The following DGKG variants were observed in gnomAD, a reference collection of about 807,000 sequenced individuals.
The protein encoded by DGKG is DAG kinase gamma.
DGKG carries 78 observed loss-of-function variants against 105.3 expected under a neutral mutation model. The ratio of observed to expected loss-of-function variants is 0.74; its 90% CI spans 0.62 to 0.89. DGKG has a LOEUF of 0.89. Ranked by LOEUF, DGKG falls within the 40% of genes least tolerant of loss-of-function variation. DGKG has a pLI of 0.00. For synonymous variants in DGKG, 346 were observed against 367.1 expected (o/e 0.94, Z 0.66); for missense variants, 958 against 1,020.1 (o/e 0.94, Z 0.83).
intron 7 of DGKG, among the ~76,000 whole-genome samples, chr3:186,282,965 G>C (rs1287473128): frequency 1.3e-5 from 2 of 151,422 alleles, no homozygotes; most frequent in East Asian, 3.9e-4. Context: ...GCTGGAGTAA[G>C]TGGCGTGATC....
At chr3:186,309,288 C>A (rs1724403908) in intron 2 of DGKG, among the ~76,000 whole-genome samples, 1 of 152,072 alleles carries the variant, frequency 6.6e-6, no homozygotes, top group South Asian at 2.1e-4. Flanking sequence ...ACCAAGGGAG[C>A]AACGGTGCAG....
At chr3:186,293,514 C>G (rs1312911102) in intron 5 of DGKG, among the ~76,000 whole-genome samples, 1 of 152,198 alleles carries the variant, frequency 6.6e-6, no homozygotes, top group Non-Finnish European at 1.5e-5. Flanking sequence ...CCCAGTTAGT[C>G]CTGGGCCTTC....
At chr3:186,188,504 A>C (rs1578640363) in intron 21 of DGKG, 125 bp from the exon 22 acceptor site, 3 of 919,742 alleles carry the variant, frequency 3.3e-6, no homozygotes, top group Admixed American at 2.6e-5. Context: ...GTCCTCAGCC[A>C]CCACCCTGCC....
At chr3:186,153,916 G>T (rs1233025112) in intron 24 of DGKG, among the ~76,000 whole-genome samples, 1 of 152,120 alleles carries the variant, frequency 6.6e-6, no homozygotes, top group Non-Finnish European at 1.5e-5. Context: ...ACCAGCCTGG[G>T]GAACATGGTG....
At chr3:186,192,695 C>A (rs1462778349) in intron 21 of DGKG, among the ~76,000 whole-genome samples, 2 of 152,142 alleles carry the variant, frequency 1.3e-5, no homozygotes, top group African/African-American at 4.8e-5. Flanking sequence ...GTCAGTGAGG[C>A]AAATCGGGAT....
intron 21 of DGKG, among the ~76,000 whole-genome samples, chr3:186,190,193 C>T (rs1249544520): frequency 2.0e-5 from 3 of 152,098 alleles, no homozygotes; most frequent in Admixed American, 2.0e-4. Context: ...TTTTATTTCT[C>T]CTCCCTCTCA....
Position 186,147,365 on chromosome 3 carries a change from G to A in DGKG, c.*2725C>T, listed in dbSNP as rs969663677. 3.3e-5 allele frequency: 32 copies of A among 978,572 alleles called. No homozygotes were observed. The highest frequency in any genetic ancestry group is 3.6e-5 in the Non-Finnish European group (30 of 823,458). 60.6% of individuals were successfully genotyped at this position (978,572 alleles called of 1,614,324 possible). On this transcript the variant is annotated 3_prime_UTR_variant, in exon 25 of 25. Transcript: ENST00000265022. Reference sequence around the variant, plus strand: ...AAGTCACTAAACCTCATTAAGCCTTGTTCTCCTCATTGAGATCGAGATAAT... The same window carrying A: ...AAGTCACTAAACCTCATTAAGCCTTATTCTCCTCATTGAGATCGAGATAAT...
At chr3:186,245,025 A>AG (rs144129358) in intron 19 of DGKG, among the ~76,000 whole-genome samples, 6,750 of 152,128 alleles carry the variant, frequency 0.044, 499 homozygotes, top group African/African-American at 0.16. Flanking sequence ...AAAAAAGTGG[A>AG]GGGGGGCGGG....
intron 20 of DGKG, among the ~76,000 whole-genome samples, chr3:186,223,777 T>C (rs1719716980): frequency 6.6e-6 from 1 of 152,244 alleles, no homozygotes; most frequent in Non-Finnish European, 1.5e-5. Context: ...CTTATTCTTG[T>C]GTATACATCC....
chr3:186,342,627 C>G lies in DGKG; in HGVS notation c.-249+19319G>C, dbSNP rs551021152. 1.8e-4 allele frequency among the ~76,000 whole-genome samples: 27 copies of G among 151,752 alleles called. 1 individual carries two copies. The highest frequency in any genetic ancestry group is 1.6e-3 in the Admixed American group (25 of 15,234). Reference sequence around the variant, plus strand: ...TCCCTCATTCTGACCAACAGAAAGACCCTGCTTGGTGAAGCAAGCAGAAGA... The same window carrying G: ...TCCCTCATTCTGACCAACAGAAAGAGCCTGCTTGGTGAAGCAAGCAGAAGA... On this transcript the variant is annotated intron_variant, in intron 1 of 24. Coordinates refer to ENST00000265022, the MANE Select transcript of DGKG (RefSeq NM_001346.3).
In DGKG at chr3:186,210,015, C is replaced by A. The variant is rs1369380725; in HGVS notation, c.1917+1780G>T. ...CCCTCCAGACCAGTGAACAACCCCACCCCCTCCAGAGGCCACCAGTGTCTT... is the reference window on the plus strand; with the variant it reads ...CCCTCCAGACCAGTGAACAACCCCAACCCCTCCAGAGGCCACCAGTGTCTT... On this transcript the variant is annotated intron_variant, in intron 21 of 24. Transcript: ENST00000265022. The surrounding 1 kb of genome is among the most constrained non-coding windows in gnomAD (Gnocchi z 5.2). Among the ~76,000 whole-genome samples, 1 of 152,206 alleles carries A rather than the reference C, an allele frequency of 6.6e-6. No homozygotes were observed. The highest frequency in any genetic ancestry group is 2.4e-5 in the African/African-American group (1 of 41,446).
Position 186,268,961 on chromosome 3 carries a change from A to G in DGKG, c.1000-44T>C, listed in dbSNP as rs148761260. 118 of 1,413,056 alleles carry G rather than the reference A, an allele frequency of 8.4e-5. No homozygotes were observed. In the African/African-American group the frequency reaches 1.3e-3, roughly 15 times the overall value. The allele number at this position is 1,413,056 out of a possible 1,614,324, so 87.5% of individuals were successfully genotyped here. On this transcript the variant is annotated intron_variant, in intron 11 of 24. Coordinates refer to ENST00000265022, the MANE Select transcript of DGKG (RefSeq NM_001346.3). ...CGATGCCAGGGAAAATGGCAGAACCATGTCCCCGGGGCCCTGGGCTGGAGG... is the reference window on the plus strand; with the variant it reads ...CGATGCCAGGGAAAATGGCAGAACCGTGTCCCCGGGGCCCTGGGCTGGAGG...
At chr3:186,166,501 C>T (rs555311252) in intron 22 of DGKG, among the ~76,000 whole-genome samples, 2 of 152,228 alleles carry the variant, frequency 1.3e-5, no homozygotes, top group Non-Finnish European at 2.9e-5. Context: ...ACCTAATAAA[C>T]AATGAATGTC....
chr3:186,286,293 G>C (rs1723066133), intron 6 of DGKG, among the ~76,000 whole-genome samples: 1 of 152,194 alleles, frequency 6.6e-6, no homozygotes, highest in Non-Finnish European at 1.5e-5. Context: ...GCAGATGGTT[G>C]AATGACATAG....
At chr3:186,238,688 T>C (rs909078870) in intron 20 of DGKG, among the ~76,000 whole-genome samples, 1 of 152,170 alleles carries the variant, frequency 6.6e-6, no homozygotes, top group Non-Finnish European at 1.5e-5. Context: ...AACTAGGAGG[T>C]AGACAGGGCC....
rs1313614740 is a variant in DGKG, at chr3:186,147,996, C to T, written c.*2094G>A. 1 of 985,434 alleles carries T rather than the reference C, an allele frequency of 1.0e-6. No homozygotes were observed. The highest frequency in any genetic ancestry group is 1.2e-6 in the Non-Finnish European group (1 of 829,948). The allele number at this position is 985,434 out of a possible 1,614,324, so 61.0% of individuals were successfully genotyped here. The stretch of plus-strand genomic sequence containing the variant: ...TCCAAGATCTTGCTCCTAGGTGGTC[C>T]TTCACAGTTAAGTGCCATTTGTACA... On this transcript the variant is annotated 3_prime_UTR_variant, in exon 25 of 25. Coordinates refer to ENST00000265022, the MANE Select transcript of DGKG (RefSeq NM_001346.3).
rs567868100 is a variant in DGKG, at chr3:186,289,007, T to C, written c.374-127A>G. ...GTAGAAGTGTCTTCAAAAGCTTTGG[T>C]TACATAGATGTGACCAAATTAGTGG... On this transcript the variant is annotated intron_variant, in intron 5 of 24. Coordinates refer to ENST00000265022, the MANE Select transcript of DGKG (RefSeq NM_001346.3). 9.0e-5 allele frequency: 86 copies of C among 960,806 alleles called. No homozygotes were observed. In the East Asian group the frequency reaches 2.2e-3, roughly 25 times the overall value. The allele number at this position is 960,806 out of a possible 1,614,324, so 59.5% of individuals were successfully genotyped here.
intron 20 of DGKG, 112 bp from the exon 21 acceptor site, chr3:186,211,997 T>C (rs1177208263): frequency 2.5e-6 from 2 of 788,402 alleles, no homozygotes; most frequent in African/African-American, 3.4e-5. Context: ...TCCCCAATCT[T>C]ACATTTTCAG....
chr3:186,253,241 T>G, intron 17 of DGKG, 59 bp from the exon 18 acceptor site: 1 of 1,412,582 alleles, frequency 7.1e-7, no homozygotes, highest in Non-Finnish European at 1.0e-6. Flanking sequence ...AATGTTTGAG[T>G]TGTCTTTTTA....
Sources: gnomAD v4.1 joint callset for allele counts (sites outside exome capture counted in the v4.1 genomes callset) on GRCh38, gnomAD v4.1.1 for gene constraint, Gnocchi (gnomAD v3.1) non-coding constraint, MANE v1.5 for transcripts, NCBI Gene and HGNC (gene_info 2026-07-23, HGNC 2026-07-21) for gene names.